Variants in ETFA observed in about 807,000 individuals in gnomAD.
ETFA encodes the protein electron transfer flavoprotein subunit alpha.
In ETFA, 22 loss-of-function variants were observed where a neutral mutation model predicts 46.2. The ratio of observed to expected loss-of-function variants is 0.48; its 90% CI spans 0.34 to 0.68. The LOEUF (loss-of-function observed/expected upper bound fraction) is 0.68. Ranked by LOEUF, ETFA falls within the 30% of genes least tolerant of loss-of-function variation. The pLI, the probability that ETFA is intolerant of heterozygous loss-of-function variation, is 0.01. For missense variants in ETFA, 345 were observed against 401.1 expected (o/e 0.86, Z 1.19); for synonymous variants, 131 against 139.9 (o/e 0.94, Z 0.45).
chr15:76,218,358 C>G (rs757432588), intron 11 of ETFA, among the ~76,000 whole-genome samples: 2 of 152,122 alleles, frequency 1.3e-5, no homozygotes, highest in South Asian at 2.1e-4. Context: ...AGCTCCGTCT[C>G]CCAGGTTCAA....
At chr15:76,237,217 T>C (rs2039134293) in intron 9 of ETFA, among the ~76,000 whole-genome samples, 1 of 152,086 alleles carries the variant, frequency 6.6e-6, no homozygotes, top group Admixed American at 6.5e-5. Flanking sequence ...CTCGCCCGGC[T>C]AATTTTTGTA....
At chr15:76,299,622 C>T (rs1441922970) in intron 1 of ETFA, among the ~76,000 whole-genome samples, 2 of 152,166 alleles carry the variant, frequency 1.3e-5, no homozygotes, top group African/African-American at 2.4e-5. Flanking sequence ...CTGCCCCCTA[C>T]TCTTAGAAGG....
intron 4 of ETFA, among the ~76,000 whole-genome samples, chr15:76,288,544 A>G (rs948550236): frequency 1.3e-5 from 2 of 151,988 alleles, no homozygotes; most frequent in African/African-American, 2.4e-5. Flanking sequence ...ATCTCTACTA[A>G]AAATACAAAA....
At chr15:76,282,332 C>G (rs573479395) in intron 8 of ETFA, among the ~76,000 whole-genome samples, 80 of 152,220 alleles carry the variant, frequency 5.3e-4, no homozygotes, top group Non-Finnish European at 1.0e-3. Context: ...CCACCAGAAG[C>G]TGGAAGAGGA....
rs879301188 is a variant in ETFA at position 76,215,904 on chromosome 15, C to G, written c.*655G>C. ...CTCTCCCTCCTTTACAGACAAAAGT[C>G]CTATAAACTGACAAAACCTTAAAAT... On this transcript the variant is annotated 3_prime_UTR_variant, in exon 12 of 12. Coordinates refer to ENST00000557943, the MANE Select transcript of ETFA (RefSeq NM_000126.4). The G allele has an allele frequency of 3.3e-5, 5 of 152,258 alleles. No homozygotes were observed. The highest frequency in any genetic ancestry group is 5.9e-5 in the Non-Finnish European group (4 of 68,122). The allele number at this position is 152,258 out of a possible 1,614,324, so 9.4% of individuals were successfully genotyped here.
intron 9 of ETFA, among the ~76,000 whole-genome samples, chr15:76,273,693 T>TA (rs1015975671): frequency 1.3e-5 from 2 of 152,002 alleles, no homozygotes; most frequent in Admixed American, 6.6e-5. Context: ...GATTTTTTTT[T>TA]AATGGACAAG....
chr15:76,252,756 A>T (rs933205901), intron 9 of ETFA, among the ~76,000 whole-genome samples: 15 of 152,216 alleles, frequency 9.9e-5, no homozygotes, highest in African/African-American at 3.6e-4. Flanking sequence ...GATATGGTAT[A>T]TAAATGTGTT....
chr15:76,281,580 T>C (rs1464624773), intron 8 of ETFA, among the ~76,000 whole-genome samples: 1 of 151,570 alleles, frequency 6.6e-6, no homozygotes, highest in Non-Finnish European at 1.5e-5. Flanking sequence ...CACGTATCAC[T>C]GCGCCCAGCT....
Position 76,311,410 on chromosome 15 carries a change from C to G in ETFA, c.-22G>C, listed in dbSNP as rs2039997011. 2 of 1,554,446 alleles carry G rather than the reference C, an allele frequency of 1.3e-6. No homozygotes were observed. Among genetic ancestry groups the G allele is most frequent in the African/African-American group, 2.7e-5 (2 of 73,632 alleles). On this transcript the variant is annotated 5_prime_UTR_variant, in exon 1 of 12. Transcript: ENST00000557943. ...ACATGGTCTCCGCTTCCGCCGCAACCTCGGCCTTACAGCAGCCCCGTGCCC... is the reference window on the plus strand; with the variant it reads ...ACATGGTCTCCGCTTCCGCCGCAACGTCGGCCTTACAGCAGCCCCGTGCCC...
At chr15:76,277,436 G>A (rs936467498) in intron 8 of ETFA, among the ~76,000 whole-genome samples, 1 of 151,884 alleles carries the variant, frequency 6.6e-6, no homozygotes, top group African/African-American at 2.4e-5. Context: ...AGCTCCTGAA[G>A]GTAAAATTCA....
intron 9 of ETFA, among the ~76,000 whole-genome samples, chr15:76,232,021 T>C (rs1448120355): frequency 6.6e-6 from 1 of 151,684 alleles, no homozygotes; most frequent in Non-Finnish European, 1.5e-5. Flanking sequence ...CACACACACA[T>C]TCTCTCTGAA....
intron 9 of ETFA, among the ~76,000 whole-genome samples, chr15:76,266,182 A>G (rs1207853044): frequency 1.3e-5 from 2 of 152,214 alleles, no homozygotes; most frequent in African/African-American, 4.8e-5. Context: ...GCCCTCCCCA[A>G]CAATGACTCC....
intron 4 of ETFA, 141 bp downstream of exon 4, chr15:76,292,290 G>C: frequency 1.4e-6 from 1 of 707,700 alleles, no homozygotes; most frequent in Non-Finnish European, 2.6e-6. Context: ...AATCTTGAAA[G>C]AATAAATTTT....
chr15:76,296,655 A>C (rs1416918480), intron 1 of ETFA, among the ~76,000 whole-genome samples: 1 of 152,248 alleles, frequency 6.6e-6, no homozygotes, highest in African/African-American at 2.4e-5. Context: ...GGATTCAAAA[A>C]AGGAAGCTTG....
In ETFA at chr15:76,310,339, C is replaced by T. The variant is rs2039982499; in HGVS notation, c.39+1011G>A. On this transcript the variant is annotated intron_variant, in intron 1 of 11. Transcript: ENST00000557943. The stretch of plus-strand genomic sequence containing the variant: ...AGCTATGCCTCAGAGAGAAAAATCC[C>T]AGGAGTGGATGGGAAAATATCCATG... Among the ~76,000 whole-genome samples, 4 of 119,420 alleles carry T rather than the reference C, an allele frequency of 3.3e-5. No individual in the cohort carries two copies. The Admixed American group carries it at 4.3e-4, about 13-fold the overall frequency. 78.3% of individuals were successfully genotyped at this position (119,420 alleles called of 152,430 possible). A position where few individuals can be genotyped will look rare whatever the true frequency, so the allele number is the denominator to read the frequency against.
intron 8 of ETFA, among the ~76,000 whole-genome samples, chr15:76,280,917 CTTT>C (rs35907442): frequency 4.8e-4 from 49 of 102,052 alleles, no homozygotes; most frequent in African/African-American, 1.8e-3. Context: ...GTTCAGATGT[CTTT>C]TTTTTTTTTT....
chr15:76,289,918 G>A (rs1403887535), intron 4 of ETFA, among the ~76,000 whole-genome samples: 1 of 152,094 alleles, frequency 6.6e-6, no homozygotes. Flanking sequence ...CCCTTTCATG[G>A]TCTAACACTC....
chr15:76,269,413 C>T (rs927892125), intron 9 of ETFA, among the ~76,000 whole-genome samples: 5 of 152,160 alleles, frequency 3.3e-5, no homozygotes, highest in Admixed American at 3.3e-4. Flanking sequence ...AGTAGCCATA[C>T]GTTTCAAAGA....
chr15:76,300,622 G>A (rs923215779), intron 1 of ETFA, among the ~76,000 whole-genome samples: 1 of 152,012 alleles, frequency 6.6e-6, no homozygotes, highest in Non-Finnish European at 1.5e-5. Context: ...CTCAGTGATC[G>A]TTCCATGACA....
Sources: gnomAD v4.1 joint callset for allele counts (sites outside exome capture counted in the v4.1 genomes callset) on GRCh38, gnomAD v4.1.1 for gene constraint, MANE v1.5 for transcripts, NCBI Gene and HGNC (gene_info 2026-07-23, HGNC 2026-07-21) for gene names.